CNOT4: variants seen among roughly 807,000 people sequenced by gnomAD.
CNOT4 encodes the protein CCR4-associated factor 4.
In CNOT4, 8 loss-of-function variants were observed where a neutral mutation model predicts 73.8. That is an observed-to-expected ratio of 0.11 (90% CI 0.06 to 0.20). The LOEUF (loss-of-function observed/expected upper bound fraction) is 0.20. CNOT4 is among the 10% of genes least tolerant of loss of function. The pLI is 1.00. For synonymous variants in CNOT4, 293 were observed against 321.1 expected, an observed-to-expected ratio of 0.91 and a Z score of 0.94; for missense variants, 564 against 883.4, an observed-to-expected ratio of 0.64 and a Z score of 4.58.
intron 1 of CNOT4, among the ~76,000 whole-genome samples, chr7:135,452,502 G>A (rs1004787012): frequency 1.2e-4 from 19 of 152,228 alleles, no homozygotes; most frequent in Middle Eastern, 3.4e-3. Context: ...CCTGGGAGGC[G>A]GAGGTTGCAG....
rs960812707 is a variant in CNOT4 at position 135,396,004 on chromosome 7, T to C, written c.880-121A>G. ...TTCACAAACTGGTACTTGAAGATGT[T>C]TTAATGAAAGCATGAAGTTTCAGAA... On this transcript the variant is annotated intron_variant, in intron 8 of 11. Coordinates refer to ENST00000541284, the MANE Select transcript of CNOT4 (RefSeq NM_001190850.2). 5.2e-5 allele frequency: 33 copies of C among 639,270 alleles called. No homozygotes were observed. In the Admixed American group the frequency reaches 9.1e-4, roughly 18 times the overall value. The allele number at this position is 639,270 out of a possible 1,614,324, so 39.6% of individuals were successfully genotyped here. A position where few individuals can be genotyped will look rare whatever the true frequency, so the allele number is the denominator to read the frequency against.
intron 1 of CNOT4, among the ~76,000 whole-genome samples, chr7:135,483,506 T>C (rs1309393050): frequency 6.6e-6 from 1 of 151,408 alleles, no homozygotes; most frequent in Non-Finnish European, 1.5e-5. Context: ...ACAGAAGCAT[T>C]TGACAAAATT....
chr7:135,456,629 G>A (rs1043613541), intron 1 of CNOT4, among the ~76,000 whole-genome samples: 1 of 151,970 alleles, frequency 6.6e-6, no homozygotes, highest in African/African-American at 2.4e-5. Flanking sequence ...TTTACTATTT[G>A]CATATTACAT....
At chr7:135,440,902 G>T (rs1799438822) in intron 1 of CNOT4, among the ~76,000 whole-genome samples, 1 of 149,248 alleles carries the variant, frequency 6.7e-6, no homozygotes, top group African/African-American at 2.5e-5. Flanking sequence ...GACAGAGAGA[G>T]ACTCCGTCTC....
At chr7:135,486,427 A>G (rs561119727) in intron 1 of CNOT4, among the ~76,000 whole-genome samples, 5 of 152,354 alleles carry the variant, frequency 3.3e-5, no homozygotes, top group Admixed American at 1.3e-4. Flanking sequence ...GAACACAAAG[A>G]AACTGGACCA....
intron 1 of CNOT4, among the ~76,000 whole-genome samples, chr7:135,489,391 C>CTTTTTTTT (rs71174525): frequency 1.2e-4 from 10 of 84,746 alleles, no homozygotes; most frequent in South Asian, 4.0e-4. Context: ...AGTCACATTT[C>CTTTTTTTT]TTTTTTTTTT....
chr7:135,390,569 T>C (rs994311147), intron 10 of CNOT4, among the ~76,000 whole-genome samples: 1 of 152,102 alleles, frequency 6.6e-6, no homozygotes, highest in African/African-American at 2.4e-5. Context: ...AGGTTTCACC[T>C]AATTAAGGAA....
intron 10 of CNOT4, among the ~76,000 whole-genome samples, chr7:135,365,888 A>G (rs1460242343): frequency 6.6e-6 from 1 of 152,240 alleles, no homozygotes; most frequent in Non-Finnish European, 1.5e-5. Flanking sequence ...AAACAAGATC[A>G]TAAATATAAG....
At chr7:135,438,775 T>A (rs543256359) in intron 1 of CNOT4, among the ~76,000 whole-genome samples, 1 of 152,328 alleles carries the variant, frequency 6.6e-6, no homozygotes, top group South Asian at 2.1e-4. Context: ...TATTGCCACA[T>A]AACTAGAAGA....
intron 1 of CNOT4, among the ~76,000 whole-genome samples, chr7:135,489,640 C>T (rs1802973128): frequency 1.3e-5 from 2 of 151,992 alleles, no homozygotes; most frequent in Admixed American, 1.3e-4. Flanking sequence ...GTGTGATCTG[C>T]CCGCCTTAAC....
chr7:135,469,983 G>A (rs1801473003), intron 1 of CNOT4, among the ~76,000 whole-genome samples: 1 of 151,996 alleles, frequency 6.6e-6, no homozygotes, highest in Non-Finnish European at 1.5e-5. Context: ...CACTATGCCT[G>A]GCTAATTTTT....
At chr7:135,499,988 T>C (rs1247537669) in intron 1 of CNOT4, among the ~76,000 whole-genome samples, 1 of 152,166 alleles carries the variant, frequency 6.6e-6, no homozygotes, top group Non-Finnish European at 1.5e-5. Flanking sequence ...GTCATATTAC[T>C]AGAATGAAAG....
At chr7:135,385,403 C>T (rs1313882214) in intron 10 of CNOT4, among the ~76,000 whole-genome samples, 1 of 152,200 alleles carries the variant, frequency 6.6e-6, no homozygotes, top group African/African-American at 2.4e-5. Context: ...GGCAATGCCT[C>T]CGTGGGAGTA....
chr7:135,380,685 A>G (rs137970722), intron 10 of CNOT4, among the ~76,000 whole-genome samples: 1 of 152,346 alleles, frequency 6.6e-6, no homozygotes, highest in East Asian at 1.9e-4. Flanking sequence ...CTGAATCTTA[A>G]AAGTTTTTTC....
At chr7:135,493,760 T>A (rs1372365958) in intron 1 of CNOT4, among the ~76,000 whole-genome samples, 1 of 152,130 alleles carries the variant, frequency 6.6e-6, no homozygotes, top group Admixed American at 6.5e-5. Flanking sequence ...AAGCTCCCTA[T>A]CAATGGAAGA....
chr7:135,389,176 A>AAG (rs1454336416), intron 10 of CNOT4, among the ~76,000 whole-genome samples: 1 of 150,300 alleles, frequency 6.7e-6, no homozygotes, highest in African/African-American at 2.4e-5. Context: ...AAAAAAAAAA[A>AAG]AAGACCAGGA....
chr7:135,463,544 C>CAAA (rs34696755), intron 1 of CNOT4, among the ~76,000 whole-genome samples: 2 of 103,784 alleles, frequency 1.9e-5, no homozygotes, highest in Non-Finnish European at 2.0e-5. Flanking sequence ...TCCCCCCACC[C>CAAA]AAAAAAAAAA....
chr7:135,490,178 C>A (rs565335940), intron 1 of CNOT4, among the ~76,000 whole-genome samples: 1 of 152,198 alleles, frequency 6.6e-6, no homozygotes, highest in African/African-American at 2.4e-5. Context: ...TATCAATTTC[C>A]CTTTTGCTAT....
intron 1 of CNOT4, among the ~76,000 whole-genome samples, chr7:135,496,165 T>C (rs1803567486): frequency 6.6e-6 from 1 of 152,208 alleles, no homozygotes; most frequent in Admixed American, 6.5e-5. Flanking sequence ...CAATCTCCAC[T>C]CACTGCAACC....
Sources: gnomAD v4.1 joint callset for allele counts (sites outside exome capture counted in the v4.1 genomes callset) on GRCh38, gnomAD v4.1.1 for gene constraint, MANE v1.5 for transcripts, NCBI Gene and HGNC (gene_info 2026-07-23, HGNC 2026-07-21) for gene names.